The following ALDH1L2 variants were observed in gnomAD, a reference collection of about 807,000 sequenced individuals.
ALDH1L2 encodes mitochondrial 10-formyltetrahydrofolate dehydrogenase.
A neutral mutation model predicts 111.0 loss-of-function variants in ALDH1L2; 91 were observed. The observed-to-expected ratio is 0.82, with a 90% CI of 0.69 to 0.98. The LOEUF (loss-of-function observed/expected upper bound fraction) is 0.98, where lower values mean the gene tolerates loss of function less well. ALDH1L2 is among the 50% of genes least tolerant of loss of function. The pLI, the probability that ALDH1L2 is intolerant of heterozygous loss-of-function variation, is 0.00. For missense variants in ALDH1L2, 995 were observed against 1,126.8 expected (o/e 0.88, Z 1.67); for synonymous variants, 374 against 392.6 (o/e 0.95, Z 0.56).
chr12:105,074,458 C>CAA (rs59114614), intron 1 of ALDH1L2, among the ~76,000 whole-genome samples: 7 of 38,892 alleles, frequency 1.8e-4, no homozygotes, highest in South Asian at 1.1e-3. Context: ...ACTCTGTCTC[C>CAA]AAAAAAAAAA....
chr12:105,035,921 T>C (rs1565951377), intron 18 of ALDH1L2, among the ~76,000 whole-genome samples: 1 of 110,466 alleles, frequency 9.1e-6, no homozygotes, highest in African/African-American at 4.5e-5. Flanking sequence ...ATTATATATA[T>C]ACATATATTT....
At chr12:105,049,856 C>T in intron 13 of ALDH1L2, 52 bp downstream of exon 13, 1 of 1,556,572 alleles carries the variant, frequency 6.4e-7, no homozygotes, top group East Asian at 2.3e-5. Context: ...CTGGTACAAA[C>T]TAATCAATGT....
intron 22 of ALDH1L2, 87 bp downstream of exon 22, chr12:105,026,458 A>G: frequency 6.7e-7 from 1 of 1,497,002 alleles, no homozygotes; most frequent in South Asian, 1.2e-5. Context: ...ATGCCCCTCA[A>G]AGTCACACAC....
rs1875403308 is a variant in ALDH1L2 at position 105,039,713 on chromosome 12, C to T, written c.2045G>A (p.Ser682Asn). 1.2e-6 allele frequency: 2 copies of T among 1,613,154 alleles called. No homozygotes were observed. The highest frequency in any genetic ancestry group is 4.5e-5 in the East Asian group (2 of 44,880). ...TGAATCAACATTTTAAAACCAATACCTCTTCATGATCTGTTTGCCAATAGG... is the reference window on the plus strand; with the variant it reads ...TGAATCAACATTTTAAAACCAATACTTCTTCATGATCTGTTTGCCAATAGG... ...STPIGKQIMKSCAVSNLKKVS... is the reference protein window; with the variant it reads ...STPIGKQIMKNCAVSNLKKVS... Residue 682 changes from serine to asparagine, a missense_variant and splice_region_variant, in exon 17 of 23, where the codon AGC becomes AAC. By Grantham distance (46) the Ser-to-Asn change is conservative. Coordinates refer to ENST00000258494, the MANE Select transcript of ALDH1L2 (RefSeq NM_001034173.4).
At chr12:105,036,476 CACAT>C (rs1366110614) in intron 18 of ALDH1L2, among the ~76,000 whole-genome samples, 1 of 105,672 alleles carries the variant, frequency 9.5e-6, no homozygotes, top group Non-Finnish European at 1.9e-5. Flanking sequence ...TATATACACA[CACAT>C]ATATACGTAT....
intron 6 of ALDH1L2, among the ~76,000 whole-genome samples, chr12:105,063,861 T>C (rs1447167947): frequency 6.6e-6 from 1 of 152,250 alleles, no homozygotes; most frequent in East Asian, 1.9e-4. Flanking sequence ...TCTAGGATGA[T>C]CAGCTATCAT....
chr12:105,067,328 A>G (rs1175303049), intron 4 of ALDH1L2, among the ~76,000 whole-genome samples: 1 of 152,122 alleles, frequency 6.6e-6, no homozygotes, highest in Non-Finnish European at 1.5e-5. Flanking sequence ...AGGTCTATCT[A>G]TTGCCAATCG....
rs1346957286 is a variant in ALDH1L2 at position 105,052,148 on chromosome 12, A to T, written c.1477T>A (p.Phe493Ile). The stretch of plus-strand genomic sequence containing the variant: ...ATTCTTCCCCATTCACCGTTTTCAA[A>T]AGCATCTTTTGCTGCTGCTACTGCT... ...DKAVAAAKDA[F>I]ENGEWGRMNA... The change falls in exon 12 of 23, where the codon TTT (phenylalanine) becomes ATT (isoleucine). Residue 493 changes from phenylalanine to isoleucine, a missense_variant. Coordinates refer to ENST00000258494, the MANE Select transcript of ALDH1L2 (RefSeq NM_001034173.4). 4 of 1,612,166 alleles carry T rather than the reference A, an allele frequency of 2.5e-6. No individual in the cohort carries two copies. Among genetic ancestry groups the T allele is most frequent in the Non-Finnish European group, 3.4e-6 (4 of 1,178,932 alleles).
At chr12:105,072,111 A>AAT (rs1877768034) in intron 2 of ALDH1L2, among the ~76,000 whole-genome samples, 1 of 147,784 alleles carries the variant, frequency 6.8e-6, no homozygotes, top group Non-Finnish European at 1.5e-5. Context: ...AAGTGTATAA[A>AAT]ATATATATAC....
At chr12:105,028,954 A>T (rs1484673681) in intron 21 of ALDH1L2, among the ~76,000 whole-genome samples, 2 of 151,886 alleles carry the variant, frequency 1.3e-5, no homozygotes, top group Non-Finnish European at 2.9e-5. Context: ...AAAGCAAAAG[A>T]TTCATTTTAT....
At chr12:105,029,242 G>T (rs546805809) in intron 21 of ALDH1L2, among the ~76,000 whole-genome samples, 3 of 152,248 alleles carry the variant, frequency 2.0e-5, no homozygotes, top group African/African-American at 7.2e-5. Flanking sequence ...TGCCCAGGCT[G>T]ATCTCAAACT....
At chr12:105,059,709 T>C (rs184971267) in intron 9 of ALDH1L2, among the ~76,000 whole-genome samples, 1 of 152,388 alleles carries the variant, frequency 6.6e-6, no homozygotes, top group Non-Finnish European at 1.5e-5. Context: ...TCCCCAGTGC[T>C]AAAACTGTTC....
chr12:105,074,072 A>G, intron 1 of ALDH1L2, 67 bp from the exon 2 acceptor site: 2 of 1,586,774 alleles, frequency 1.3e-6, no homozygotes, highest in East Asian at 2.2e-5. Flanking sequence ...GTGAGGGTTA[A>G]AAAAGATAGC....
Position 105,040,588 on chromosome 12 carries a change from C to G in ALDH1L2, c.1951+19G>C. The G allele has an allele frequency of 6.2e-7, 1 of 1,612,196 alleles. No homozygotes were observed. The highest frequency in any genetic ancestry group is 1.7e-4 in the Middle Eastern group (1 of 6,060). The stretch of plus-strand genomic sequence containing the variant: ...TACCATTCATTAGTTATAGCACAGT[C>G]GGTCATTTAGTGGCTTACCTGAGCC... On this transcript the variant is annotated intron_variant, in intron 16 of 22. Coordinates refer to ENST00000258494, the MANE Select transcript of ALDH1L2 (RefSeq NM_001034173.4).
At chr12:105,065,235 G>A in intron 6 of ALDH1L2, 32 bp downstream of exon 6, 2 of 1,215,194 alleles carry the variant, frequency 1.6e-6, no homozygotes, top group Non-Finnish European at 2.2e-6. Context: ...TAATCGGGGA[G>A]GGGGGTGGGG....
Position 105,040,598 on chromosome 12 carries a change from G to C in ALDH1L2, c.1951+9C>G, listed in dbSNP as rs767335756. ...TAGTTATAGCACAGTCGGTCATTTA[G>C]TGGCTTACCTGAGCCTGGAATGATG... is the stretch of plus-strand genomic sequence containing the variant. On this transcript the variant is annotated intron_variant, in intron 16 of 22. Coordinates refer to ENST00000258494, the MANE Select transcript of ALDH1L2 (RefSeq NM_001034173.4). The C allele has an allele frequency of 3.1e-6, 5 of 1,613,816 alleles. No individual in the cohort carries two copies. The Admixed American group carries it at 8.3e-5, about 27-fold the overall frequency.
rs1337877088 is a variant in ALDH1L2, at chr12:105,024,339, C to T, written c.*85G>A. 2.0e-6 allele frequency: 3 copies of T among 1,531,560 alleles called. No individual in the cohort carries two copies. The Admixed American group carries it at 5.1e-5, about 26-fold the overall frequency. The allele number at this position is 1,531,560 out of a possible 1,614,324, so 94.9% of individuals were successfully genotyped here. A position where few individuals can be genotyped will look rare whatever the true frequency, so the allele number is the denominator to read the frequency against. On this transcript the variant is annotated 3_prime_UTR_variant, in exon 23 of 23. Coordinates refer to ENST00000258494, the MANE Select transcript of ALDH1L2 (RefSeq NM_001034173.4). ...ATTTTTTGGTTTGTGGCTGACACCT[C>T]CTGCCTCAACACACCCAATCTTCTT...
At chr12:105,063,279 A>G (rs1021106562) in intron 6 of ALDH1L2, among the ~76,000 whole-genome samples, 1 of 152,168 alleles carries the variant, frequency 6.6e-6, no homozygotes, top group Non-Finnish European at 1.5e-5. Context: ...GATCGAGACC[A>G]TCTTGGCTAA....
At position 105,026,737 on chromosome 12, in the gene ALDH1L2, C is replaced by T. The variant is rs200154962; in HGVS notation, c.2524G>A (p.Asp842Asn). The T allele has an allele frequency of 2.9e-5, 47 of 1,614,022 alleles. No homozygotes were observed. In the Admixed American group the frequency reaches 4.2e-4, roughly 14 times the overall value. The part of the protein sequence containing the change: ...VISKFQNGDI[D>N]GVLQRANSTE... ...CTATTTGCTCGCTGCAACACTCCAT[C>T]GATGTCCCTGTGTTTTTAGGAAGAC... is the stretch of plus-strand genomic sequence containing the variant. Residue 842 changes from aspartate to asparagine, a missense_variant, in exon 22 of 23, where the codon GAT becomes AAT. Coordinates refer to ENST00000258494, the MANE Select transcript of ALDH1L2 (RefSeq NM_001034173.4).
Sources: allele counts gnomAD v4.1 joint callset (sites outside exome capture counted in the v4.1 genomes callset), GRCh38; gene constraint gnomAD v4.1.1; transcripts MANE v1.5; gene names NCBI Gene and HGNC (gene_info 2026-07-23, HGNC 2026-07-21).